CDH8: variants seen among roughly 807,000 people sequenced by gnomAD.
CDH8 encodes the protein cadherin-8.
In CDH8, 17 loss-of-function variants were observed where a neutral mutation model predicts 68.1. The ratio of observed to expected loss-of-function variants is 0.25; its 90% CI spans 0.17 to 0.37. The LOEUF is 0.37. CDH8 is among the 10% of genes least tolerant of loss of function. The pLI, the probability that CDH8 is intolerant of heterozygous loss-of-function variation, is 1.00. For missense variants in CDH8, 763 were observed against 999.3 expected (o/e 0.76, Z 3.19); for synonymous variants, 372 against 365.1 (o/e 1.02, Z -0.21).
At chr16:61,688,814 AG>A (rs1964156817) in intron 10 of CDH8, among the ~76,000 whole-genome samples, 1 of 151,994 alleles carries the variant, frequency 6.6e-6, no homozygotes, top group East Asian at 1.9e-4. Context: ...CATCAGTTCT[AG>A]TGGTCTTTAT....
chr16:61,903,018 T>TA (rs1471511117), intron 2 of CDH8, among the ~76,000 whole-genome samples: 5 of 152,264 alleles, frequency 3.3e-5, no homozygotes, highest in Admixed American at 6.5e-5. Flanking sequence ...GCATTTTTAT[T>TA]AAAAAAATTT....
intron 2 of CDH8, among the ~76,000 whole-genome samples, chr16:61,958,443 C>T (rs2143619201): frequency 6.6e-6 from 1 of 152,270 alleles, no homozygotes; most frequent in African/African-American, 2.4e-5. Flanking sequence ...ATAACAGCAA[C>T]ATAATAAAAT....
rs977113607 is a variant in CDH8, at chr16:61,927,506, T to C, written c.253-26033A>G. Among the ~76,000 whole-genome samples, 4 of 152,326 alleles carry C rather than the reference T, an allele frequency of 2.6e-5. No individual in the cohort carries two copies. In the South Asian group the frequency reaches 8.3e-4, roughly 32 times the overall value. ...ATTTGAAATAATGCTAAAACTGCAA[T>C]TATAATTTTAGTTAGATATATGCCT... On this transcript the variant is annotated intron_variant, in intron 2 of 11. Transcript: ENST00000577390.
intron 2 of CDH8, among the ~76,000 whole-genome samples, chr16:62,008,029 T>C (rs972068852): frequency 6.6e-6 from 1 of 152,130 alleles, no homozygotes; most frequent in African/African-American, 2.4e-5. Flanking sequence ...CACAGCTCAT[T>C]GCAGCCTTGA....
chr16:61,685,541 T>C (rs1044546166), intron 10 of CDH8, among the ~76,000 whole-genome samples: 2 of 151,956 alleles, frequency 1.3e-5, no homozygotes, highest in East Asian at 1.9e-4. Flanking sequence ...TTAAGTTTTG[T>C]ATAGTTTCTA....
chr16:61,832,349 T>TAGAC (rs1962476273), intron 4 of CDH8, among the ~76,000 whole-genome samples: 1 of 147,598 alleles, frequency 6.8e-6, no homozygotes, highest in African/African-American at 2.6e-5. Flanking sequence ...GATAGATAGA[T>TAGAC]AGATAGATAG....
chr16:61,705,104 A>G (rs894433475), intron 10 of CDH8, among the ~76,000 whole-genome samples: 1 of 152,170 alleles, frequency 6.6e-6, no homozygotes, highest in African/African-American at 2.4e-5. Flanking sequence ...ACCCAAAAAG[A>G]TCCAAGCACG....
In CDH8 at chr16:61,647,985, A is replaced by G; in HGVS notation, c.*5623T>C. The G allele has an allele frequency of 1.6e-6, 1 of 623,074 alleles. No homozygotes were observed. The highest frequency in any genetic ancestry group is 2.9e-6 in the Non-Finnish European group (1 of 346,250). 38.6% of individuals were successfully genotyped at this position (623,074 alleles called of 1,614,324 possible). A position where few individuals can be genotyped will look rare whatever the true frequency, so the allele number is the denominator to read the frequency against. ...GATGTGAATTAGATGGTGGCAGGTA[A>G]CTCAAGTTGGGGAAATAGTACCCAA... On this transcript the variant is annotated 3_prime_UTR_variant, in exon 12 of 12. Coordinates refer to ENST00000577390, the MANE Select transcript of CDH8 (RefSeq NM_001796.5).
chr16:61,891,091 A>G (rs998361742), intron 3 of CDH8, among the ~76,000 whole-genome samples: 6 of 151,894 alleles, frequency 4.0e-5, no homozygotes, highest in Non-Finnish European at 5.9e-5. Context: ...TACATATAAT[A>G]TATAAGGTTG....
At position 61,648,373 on chromosome 16, in the gene CDH8, C is replaced by T. The variant is rs1963249097; in HGVS notation, c.*5235G>A. 1 of 152,366 alleles carries T rather than the reference C, an allele frequency of 6.6e-6. No individual in the cohort carries two copies. The highest frequency in any genetic ancestry group is 1.5e-5 in the Non-Finnish European group (1 of 68,350). The allele number at this position is 152,366 out of a possible 1,614,324, so 9.4% of individuals were successfully genotyped here. On this transcript the variant is annotated 3_prime_UTR_variant, in exon 12 of 12. Transcript: ENST00000577390. ...TGGAAAAGCTGTGATTTCTGTTGCA[C>T]CCATTCTTGAGTTCCCATCTTTTTG...
At chr16:61,681,851 A>G (rs2142802035) in intron 10 of CDH8, among the ~76,000 whole-genome samples, 1 of 151,988 alleles carries the variant, frequency 6.6e-6, no homozygotes, top group African/African-American at 2.4e-5. Flanking sequence ...TTTGAGCAAT[A>G]CTGTGCACGA....
intron 9 of CDH8, chr16:61,714,186 C>G: frequency 2.1e-6 from 1 of 481,974 alleles, no homozygotes; most frequent in Non-Finnish European, 3.7e-6. Flanking sequence ...ACCTTTGTGT[C>G]CATTTGGTGT....
intron 8 of CDH8, among the ~76,000 whole-genome samples, chr16:61,760,610 G>T (rs773696929): frequency 7.2e-5 from 11 of 152,082 alleles, no homozygotes; most frequent in Non-Finnish European, 1.3e-4. Flanking sequence ...ACCGCATCTG[G>T]CAAGGAACAG....
chr16:61,770,320 G>A (rs544538280), intron 8 of CDH8, among the ~76,000 whole-genome samples: 60 of 151,966 alleles, frequency 3.9e-4, no homozygotes, highest in African/African-American at 1.2e-3. Flanking sequence ...CCAATAGAGA[G>A]CATGAAAGGG....
At chr16:61,811,800 A>G (rs1171068795) in intron 7 of CDH8, among the ~76,000 whole-genome samples, 1 of 152,170 alleles carries the variant, frequency 6.6e-6, no homozygotes, top group East Asian at 1.9e-4. Context: ...TCCAGTCACG[A>G]AAGGACAAAT....
chr16:61,656,317 G>A (rs978859741), intron 10 of CDH8, among the ~76,000 whole-genome samples: 2 of 152,232 alleles, frequency 1.3e-5, no homozygotes, highest in African/African-American at 2.4e-5. Context: ...TGTCCCTTCC[G>A]AAGACATATA....
intron 4 of CDH8, among the ~76,000 whole-genome samples, chr16:61,829,801 G>A (rs987380410): frequency 4.6e-5 from 7 of 151,844 alleles, no homozygotes; most frequent in East Asian, 2.0e-4. Context: ...TTGCTTTCCC[G>A]AGTCCACTGC....
intron 9 of CDH8, among the ~76,000 whole-genome samples, chr16:61,717,552 T>A (rs1964754842): frequency 1.3e-5 from 2 of 151,620 alleles, no homozygotes; most frequent in African/African-American, 4.8e-5. Context: ...CAAAAATATA[T>A]TATAGTAGCA....
At chr16:62,014,145 T>C (rs1339576714) in intron 2 of CDH8, among the ~76,000 whole-genome samples, 2 of 152,116 alleles carry the variant, frequency 1.3e-5, no homozygotes, top group African/African-American at 4.8e-5. Context: ...CAAACTAAGC[T>C]AAGAAATCCT....
Sources: allele counts gnomAD v4.1 joint callset (sites outside exome capture counted in the v4.1 genomes callset), GRCh38; gene constraint gnomAD v4.1.1; transcripts MANE v1.5; gene names NCBI Gene and HGNC (gene_info 2026-07-23, HGNC 2026-07-21).